Variants in SLC24A2 observed in about 807,000 individuals in gnomAD.
The protein encoded by SLC24A2 is sodium/potassium/calcium exchanger 2.
Under a neutral mutation model 62.0 loss-of-function variants are expected in SLC24A2, and 36 were observed. That is an observed-to-expected ratio of 0.58 (90% CI 0.44 to 0.77). The LOEUF (loss-of-function observed/expected upper bound fraction) is 0.77. Among genes scored for constraint, SLC24A2 ranks in the 30% least tolerant of loss-of-function variants. SLC24A2 has a pLI of 0.00. For synonymous variants in SLC24A2, 358 were observed against 294.0 expected (o/e 1.22, Z -2.23); for missense variants, 846 against 817.9 (o/e 1.03, Z -0.42).
intron 5 of SLC24A2, among the ~76,000 whole-genome samples, chr9:19,589,740 AACCTACCT>A (rs1836495092): frequency 6.6e-6 from 1 of 152,142 alleles, no homozygotes; most frequent in African/African-American, 2.4e-5. Flanking sequence ...GTGACCTAGG[AACCTACCT>A]ACCATAGTCT....
At chr9:19,729,255 T>C (rs1311191449) in intron 2 of SLC24A2, among the ~76,000 whole-genome samples, 1 of 152,196 alleles carries the variant, frequency 6.6e-6, no homozygotes, top group Non-Finnish European at 1.5e-5. Context: ...TAGTGACTCT[T>C]ATACACTGTT....
the SLC24A2 span, among the ~76,000 whole-genome samples, chr9:19,859,311 C>A: frequency 6.6e-6 from 1 of 151,926 alleles, no homozygotes. Context: ...CACATGGACA[C>A]AAAGAGGGGA....
chr9:19,661,436 G>A (rs1428018482), intron 2 of SLC24A2, among the ~76,000 whole-genome samples: 1 of 151,822 alleles, frequency 6.6e-6, no homozygotes, highest in East Asian at 1.9e-4. Flanking sequence ...ATCATCTTTT[G>A]GATGGTTAAA....
chr9:19,844,575 G>C, the SLC24A2 span, among the ~76,000 whole-genome samples: 7 of 151,916 alleles, frequency 4.6e-5, no homozygotes, highest in Admixed American at 1.3e-4. Flanking sequence ...TGGGGATTTA[G>C]TCATAAATTC....
At chr9:19,586,850 A>C (rs967703365) in intron 5 of SLC24A2, among the ~76,000 whole-genome samples, 17 of 152,180 alleles carry the variant, frequency 1.1e-4, no homozygotes, top group African/African-American at 4.1e-4. Context: ...CACACAAAGA[A>C]ATTCTCAGAG....
chr9:19,698,810 A>G (rs143528249), intron 2 of SLC24A2, among the ~76,000 whole-genome samples: 9 of 152,318 alleles, frequency 5.9e-5, no homozygotes, highest in Non-Finnish European at 1.2e-4. Flanking sequence ...GGACCCACCC[A>G]TAGAGACCTT....
chr9:20,117,439 T>G, the SLC24A2 span, among the ~76,000 whole-genome samples: 18 of 152,254 alleles, frequency 1.2e-4, no homozygotes, highest in Admixed American at 1.2e-3. Flanking sequence ...GTCTTTACTA[T>G]GACAACAAGA....
the SLC24A2 span, among the ~76,000 whole-genome samples, chr9:19,949,545 T>A: frequency 6.6e-6 from 1 of 152,234 alleles, no homozygotes; most frequent in African/African-American, 2.4e-5. Flanking sequence ...AAAAAATCAC[T>A]TAAGCAATAG....
the SLC24A2 span, among the ~76,000 whole-genome samples, chr9:20,053,759 G>A: frequency 2.6e-4 from 39 of 152,284 alleles, no homozygotes; most frequent in African/African-American, 9.1e-4. Flanking sequence ...ATCTGCCAGG[G>A]CCTAGATCTT....
chr9:20,272,130 T>A, the SLC24A2 span, among the ~76,000 whole-genome samples: 1 of 152,240 alleles, frequency 6.6e-6, no homozygotes, highest in South Asian at 2.1e-4. Context: ...CCTTTGAGAA[T>A]GGCTGACTTG....
chr9:20,025,586 C>T, the SLC24A2 span, among the ~76,000 whole-genome samples: 1 of 152,018 alleles, frequency 6.6e-6, no homozygotes, highest in Non-Finnish European at 1.5e-5. Context: ...AATCAGTTAC[C>T]ACGTACCAGC....
chr9:20,214,766 T>C, the SLC24A2 span, among the ~76,000 whole-genome samples: 2 of 152,230 alleles, frequency 1.3e-5, no homozygotes, highest in Non-Finnish European at 2.9e-5. Flanking sequence ...ACAGGGACTG[T>C]GTTCACCATA....
the SLC24A2 span, among the ~76,000 whole-genome samples, chr9:19,887,753 G>A: frequency 6.6e-6 from 1 of 152,200 alleles, no homozygotes; most frequent in African/African-American, 2.4e-5. Context: ...CTTAAATATG[G>A]AACCAGCCCA....
chr9:19,712,833 A>G (rs903893886), intron 2 of SLC24A2, among the ~76,000 whole-genome samples: 73 of 152,202 alleles, frequency 4.8e-4, no homozygotes, highest in African/African-American at 1.7e-3. Context: ...TCTGCAGCAT[A>G]GGGTGTTTAG....
At chr9:20,019,919 C>A in the SLC24A2 span, among the ~76,000 whole-genome samples, 1 of 146,962 alleles carries the variant, frequency 6.8e-6, no homozygotes, top group Non-Finnish European at 1.5e-5. Flanking sequence ...AGGATAAGAA[C>A]AGACACTTCT....
At chr9:19,856,489 A>ATGT in the SLC24A2 span, among the ~76,000 whole-genome samples, 2 of 150,872 alleles carry the variant, frequency 1.3e-5, no homozygotes, top group Non-Finnish European at 3.0e-5. Context: ...TTTTTTGTTT[A>ATGT]TGTTGTTGTT....
chr9:19,529,932 T>C (rs914028450), intron 8 of SLC24A2, among the ~76,000 whole-genome samples: 17 of 151,910 alleles, frequency 1.1e-4, no homozygotes, highest in African/African-American at 4.1e-4. Context: ...TTGTATTTTT[T>C]AGTAGAGGCA....
chr9:19,781,331 G>T (rs900401670), intron 2 of SLC24A2, among the ~76,000 whole-genome samples: 2 of 152,184 alleles, frequency 1.3e-5, no homozygotes, highest in African/African-American at 4.8e-5. Context: ...CAAAAGGAGG[G>T]AAGAGGAGAG....
At chr9:19,591,294 G>A (rs1315384107) in intron 5 of SLC24A2, among the ~76,000 whole-genome samples, 1 of 152,126 alleles carries the variant, frequency 6.6e-6, no homozygotes, top group Non-Finnish European at 1.5e-5. Flanking sequence ...GAGTGCTCAA[G>A]CTCCCTCTTA....
Sources: allele counts gnomAD v4.1 joint callset (sites outside exome capture counted in the v4.1 genomes callset), GRCh38; gene constraint gnomAD v4.1.1; transcripts MANE v1.5; gene names NCBI Gene and HGNC (gene_info 2026-07-23, HGNC 2026-07-21).